The following MSRB3 variants were observed in gnomAD, a reference collection of about 807,000 sequenced individuals.
MSRB3 encodes methionine-R-sulfoxide reductase B3.
A neutral mutation model predicts 21.0 loss-of-function variants in MSRB3; 13 were observed. The observed-to-expected ratio is 0.62, with a 90% confidence interval of 0.40 to 0.98. The LOEUF (loss-of-function observed/expected upper bound fraction) is 0.98. Among genes scored for constraint, MSRB3 ranks in the 50% least tolerant of loss-of-function variants. MSRB3 has a pLI of 0.00. For synonymous variants in MSRB3, 87 were observed against 88.6 expected (o/e 0.98, Z 0.10); for missense variants, 199 against 230.3 (o/e 0.86, Z 0.88).
At chr12:65,328,149 A>G (rs1875174376) in intron 3 of MSRB3, among the ~76,000 whole-genome samples, 1 of 152,200 alleles carries the variant, frequency 6.6e-6, no homozygotes, top group South Asian at 2.1e-4. Flanking sequence ...TTCCACTTGA[A>G]GTCTTGGACC....
rs575363050 is a variant in MSRB3 at position 65,347,898 on chromosome 12, C to T, written c.263+19295C>T. Among the ~76,000 whole-genome samples the T allele has an allele frequency of 3.3e-5, 5 of 152,208 alleles. No homozygotes were observed. In the South Asian group the frequency reaches 8.3e-4, roughly 25 times the overall value. On this transcript the variant is annotated intron_variant, in intron 4 of 6. Coordinates refer to ENST00000308259, the MANE Select transcript of MSRB3 (RefSeq NM_001031679.3). ...ATGCTGGATTACGTTTACTGATTTGCGTATGTTGAACCAGCCTTGTATCTC... is the reference window on the plus strand; with the variant it reads ...ATGCTGGATTACGTTTACTGATTTGTGTATGTTGAACCAGCCTTGTATCTC...
intron 5 of MSRB3, among the ~76,000 whole-genome samples, chr12:65,380,883 A>G (rs1267186895): frequency 6.6e-6 from 1 of 152,138 alleles, no homozygotes; most frequent in Non-Finnish European, 1.5e-5. Context: ...AAAACCTATA[A>G]TATGAGTTGA....
chr12:65,415,921 C>G (rs542854843), intron 5 of MSRB3, among the ~76,000 whole-genome samples: 221 of 152,280 alleles, frequency 1.5e-3, no homozygotes, highest in African/African-American at 4.9e-3. Flanking sequence ...AAGACCAACA[C>G]CTAAGGATTG....
Position 65,348,756 on chromosome 12 carries a change from C to G in MSRB3, c.263+20153C>G, listed in dbSNP as rs932677196. ...TAAATTTCCCCCTACACACGGCTTT[C>G]GATGTGTCCCAGAGATTCTGGTATG... is the stretch of plus-strand genomic sequence containing the variant. On this transcript the variant is annotated intron_variant, in intron 4 of 6. Coordinates refer to ENST00000308259, the MANE Select transcript of MSRB3 (RefSeq NM_001031679.3). Among the ~76,000 whole-genome samples, 8 of 152,042 alleles carry G rather than the reference C, an allele frequency of 5.3e-5. No homozygotes were observed. The South Asian group carries it at 1.0e-3, about 20-fold the overall frequency.
At chr12:65,343,910 A>G (rs1429859976) in intron 4 of MSRB3, among the ~76,000 whole-genome samples, 1 of 152,060 alleles carries the variant, frequency 6.6e-6, no homozygotes, top group Non-Finnish European at 1.5e-5. Context: ...AAAGTGGAAA[A>G]AGCTATGATT....
chr12:65,360,809 A>C (rs1312590506), intron 4 of MSRB3, among the ~76,000 whole-genome samples: 1 of 152,134 alleles, frequency 6.6e-6, no homozygotes, highest in African/African-American at 2.4e-5. Context: ...TGCACTATGC[A>C]CTCAAGTGCA....
chr12:65,461,384 C>T lies in MSRB3; in HGVS notation c.391-1771C>T, dbSNP rs1448044831. On this transcript the variant is annotated intron_variant, in intron 6 of 6. Transcript: ENST00000308259. Reference sequence around the variant, plus strand: ...TCAGCCTTGATATTACCTAAACCTGCATCGAATGTGGTAAAATAATACAAG... The same window carrying T: ...TCAGCCTTGATATTACCTAAACCTGTATCGAATGTGGTAAAATAATACAAG... Among the ~76,000 whole-genome samples the T allele has an allele frequency of 2.6e-5, 4 of 152,304 alleles. No individual in the cohort carries two copies. The South Asian group carries it at 8.3e-4, about 32-fold the overall frequency.
chr12:65,410,974 A>G (rs981393531), intron 5 of MSRB3, among the ~76,000 whole-genome samples: 14 of 146,948 alleles, frequency 9.5e-5, no homozygotes, highest in Non-Finnish European at 2.0e-4. Flanking sequence ...CCCCACCCCC[A>G]CCCTTTTATG....
chr12:65,369,302 G>A (rs1409173225), intron 5 of MSRB3, among the ~76,000 whole-genome samples: 2 of 152,038 alleles, frequency 1.3e-5, no homozygotes, highest in African/African-American at 4.8e-5. Context: ...CATACTAATT[G>A]CTCAAAGTAG....
chr12:65,402,305 C>A (rs1880174795), intron 5 of MSRB3, among the ~76,000 whole-genome samples: 1 of 152,126 alleles, frequency 6.6e-6, no homozygotes, highest in Non-Finnish European at 1.5e-5. Context: ...AGGCTTTGAT[C>A]ATTCCTTTTC....
intron 1 of MSRB3, among the ~76,000 whole-genome samples, chr12:65,288,454 G>A (rs548018061): frequency 7.2e-5 from 11 of 152,182 alleles, no homozygotes; most frequent in South Asian, 6.2e-4. Flanking sequence ...TATCTTGTGC[G>A]ATTCACTATA....
chr12:65,302,247 G>A (rs1293512493), intron 1 of MSRB3, among the ~76,000 whole-genome samples: 1 of 152,034 alleles, frequency 6.6e-6, no homozygotes, highest in East Asian at 1.9e-4. Context: ...TTGAGAATGG[G>A]TAACCGTAAA....
Position 65,278,752 on chromosome 12 carries a change from G to GGCT in MSRB3, c.-162_-160dup, listed in dbSNP as rs1871806586. On this transcript the variant is annotated 5_prime_UTR_variant, in exon 1 of 7. Transcript: ENST00000308259. ...GGAGCGAGGTTCGGACACCGGCGGC[G>GGCT]GCTGCCTGGCCTTTCCATGAGCCCG... 1 of 1,573,646 alleles carries GGCT rather than the reference G, an allele frequency of 6.4e-7. No individual in the cohort carries two copies. Among genetic ancestry groups the GGCT allele is most frequent in the South Asian group, 1.2e-5 (1 of 86,028 alleles).
chr12:65,390,633 A>G (rs763183155), intron 5 of MSRB3, among the ~76,000 whole-genome samples: 3 of 152,070 alleles, frequency 2.0e-5, no homozygotes, highest in Non-Finnish European at 4.4e-5. Context: ...ACTTTGGGAG[A>G]CTTCATGAAG....
intron 5 of MSRB3, among the ~76,000 whole-genome samples, chr12:65,423,444 A>T (rs1337373985): frequency 6.6e-6 from 1 of 152,174 alleles, no homozygotes; most frequent in East Asian, 1.9e-4. Flanking sequence ...CTTAGAAAGA[A>T]CTTTTCACTT....
chr12:65,384,361 A>G (rs916777504), intron 5 of MSRB3, among the ~76,000 whole-genome samples: 3 of 152,186 alleles, frequency 2.0e-5, no homozygotes, highest in African/African-American at 7.2e-5. Context: ...GAAAGCTTCT[A>G]TATTTATCTG....
intron 1 of MSRB3, among the ~76,000 whole-genome samples, chr12:65,290,609 G>T (rs1489646775): frequency 6.6e-6 from 1 of 152,102 alleles, no homozygotes. Context: ...TAACTGGGGG[G>T]AAAAGTATGC....
At chr12:65,416,406 A>C (rs1565881767) in intron 5 of MSRB3, among the ~76,000 whole-genome samples, 1 of 152,188 alleles carries the variant, frequency 6.6e-6, no homozygotes, top group Non-Finnish European at 1.5e-5. Context: ...CCATGTAACA[A>C]TGTATAGATG....
At chr12:65,325,830 G>A (rs1052749290) in intron 2 of MSRB3, among the ~76,000 whole-genome samples, 15 of 152,160 alleles carry the variant, frequency 9.9e-5, no homozygotes, top group African/African-American at 3.6e-4. Context: ...ACTGCAGTGA[G>A]TAATGGCTAC....
Sources: allele counts gnomAD v4.1 joint callset (sites outside exome capture counted in the v4.1 genomes callset), GRCh38; gene constraint gnomAD v4.1.1; transcripts MANE v1.5; gene names NCBI Gene and HGNC (gene_info 2026-07-23, HGNC 2026-07-21).